SLC24A2: variants seen among roughly 807,000 people sequenced by gnomAD.
SLC24A2 encodes the protein sodium/potassium/calcium exchanger 2.
In SLC24A2, 36 loss-of-function variants were observed where a neutral mutation model predicts 62.0. That is an observed-to-expected ratio of 0.58 (90% CI 0.44 to 0.77). SLC24A2 has a LOEUF of 0.77. Ranked by LOEUF, SLC24A2 falls within the 30% of genes least tolerant of loss-of-function variation. The probability of loss-of-function intolerance (pLI) is 0.00; values close to 1 mark genes in which losing one functional copy is unlikely to be tolerated. For missense variants in SLC24A2, 846 were observed against 817.9 expected, an observed-to-expected ratio of 1.03 and a Z score of -0.42; for synonymous variants, 358 against 294.0, an observed-to-expected ratio of 1.22 and a Z score of -2.23.
intron 2 of SLC24A2, among the ~76,000 whole-genome samples, chr9:19,756,319 T>C (rs895357093): frequency 8.5e-5 from 13 of 152,172 alleles, no homozygotes; most frequent in African/African-American, 1.9e-4. Context: ...AAAAAAACTA[T>C]AGAAATGGCA....
intron 2 of SLC24A2, among the ~76,000 whole-genome samples, chr9:19,761,724 A>G (rs1822337686): frequency 6.6e-6 from 1 of 152,004 alleles, no homozygotes; most frequent in Non-Finnish European, 1.5e-5. Context: ...GAGTGAAAAC[A>G]TGCGGTGTTT....
the SLC24A2 span, among the ~76,000 whole-genome samples, chr9:20,057,277 T>A: frequency 1.3e-5 from 2 of 152,218 alleles, no homozygotes; most frequent in African/African-American, 4.8e-5. Flanking sequence ...AAATAATTCT[T>A]TCTAAATATT....
At chr9:19,561,585 C>T (rs1046182653) in intron 7 of SLC24A2, among the ~76,000 whole-genome samples, 5 of 152,016 alleles carry the variant, frequency 3.3e-5, no homozygotes, top group African/African-American at 4.8e-5. Context: ...CAGGTGCGTG[C>T]CACCACACCT....
chr9:19,633,205 A>C (rs1386131784), intron 2 of SLC24A2, among the ~76,000 whole-genome samples: 1 of 152,188 alleles, frequency 6.6e-6, no homozygotes, highest in African/African-American at 2.4e-5. Flanking sequence ...TGCATGTTGA[A>C]AGGCATTTTG....
chr9:20,123,534 A>G, the SLC24A2 span, among the ~76,000 whole-genome samples: 2 of 152,214 alleles, frequency 1.3e-5, no homozygotes, highest in South Asian at 2.1e-4. Flanking sequence ...TCTAGCTTCA[A>G]ATCTTATATT....
intron 2 of SLC24A2, among the ~76,000 whole-genome samples, chr9:19,724,105 T>G (rs570686755): frequency 5.2e-4 from 79 of 152,320 alleles, no homozygotes; most frequent in Non-Finnish European, 9.1e-4. Flanking sequence ...TATAGTGATA[T>G]CAATACTGAC....
At chr9:20,030,456 C>G in the SLC24A2 span, among the ~76,000 whole-genome samples, 1 of 152,176 alleles carries the variant, frequency 6.6e-6, no homozygotes, top group Non-Finnish European at 1.5e-5. Flanking sequence ...TTGCACCACA[C>G]AGAAAGGCTC....
At chr9:20,172,168 A>C in the SLC24A2 span, among the ~76,000 whole-genome samples, 1 of 151,850 alleles carries the variant, frequency 6.6e-6, no homozygotes, top group Non-Finnish European at 1.5e-5. Context: ...CAAACTGAAC[A>C]ATGATAGTGA....
the SLC24A2 span, among the ~76,000 whole-genome samples, chr9:20,008,203 C>G: frequency 6.6e-6 from 1 of 151,976 alleles, no homozygotes; most frequent in East Asian, 1.9e-4. Context: ...GCCCCTCTTC[C>G]CTCTCTTAAG....
intron 2 of SLC24A2, among the ~76,000 whole-genome samples, chr9:19,703,291 C>G (rs1196063033): frequency 1.3e-5 from 2 of 152,136 alleles, no homozygotes; most frequent in African/African-American, 2.4e-5. Flanking sequence ...TGACTTATTT[C>G]TTCAATACTC....
At chr9:19,741,886 T>C (rs569927468) in intron 2 of SLC24A2, among the ~76,000 whole-genome samples, 4 of 152,346 alleles carry the variant, frequency 2.6e-5, no homozygotes, top group African/African-American at 9.6e-5. Flanking sequence ...TATTTGAAAA[T>C]TCAGCTATCT....
the SLC24A2 span, among the ~76,000 whole-genome samples, chr9:19,969,602 T>A: frequency 6.6e-6 from 1 of 152,278 alleles, no homozygotes; most frequent in African/African-American, 2.4e-5. Flanking sequence ...CAGTGCCTCT[T>A]TTTCTCTCCT....
chr9:19,741,274 G>A (rs569913367), intron 2 of SLC24A2, among the ~76,000 whole-genome samples: 1 of 152,122 alleles, frequency 6.6e-6, no homozygotes, highest in Non-Finnish European at 1.5e-5. Flanking sequence ...TGGCTTTCCG[G>A]TTCTGCCAAA....
chr9:20,090,771 A>T, the SLC24A2 span, among the ~76,000 whole-genome samples: 1 of 152,216 alleles, frequency 6.6e-6, no homozygotes, highest in East Asian at 1.9e-4. Flanking sequence ...CTAATGCAAG[A>T]ACTCCAGCAA....
At chr9:20,196,723 A>G in the SLC24A2 span, among the ~76,000 whole-genome samples, 78,462 of 152,068 alleles carry the variant, frequency 0.52, 21,912 homozygotes, top group East Asian at 0.72. Context: ...GCATTTTCCC[A>G]CCTTTTAAAA....
At chr9:19,721,898 G>T (rs1290891286) in intron 2 of SLC24A2, among the ~76,000 whole-genome samples, 1 of 151,944 alleles carries the variant, frequency 6.6e-6, no homozygotes, top group African/African-American at 2.4e-5. Flanking sequence ...AAATTAGTGA[G>T]GTTCATTGCT....
At chr9:19,760,731 G>A (rs1201849574) in intron 2 of SLC24A2, among the ~76,000 whole-genome samples, 1 of 151,998 alleles carries the variant, frequency 6.6e-6, no homozygotes, top group African/African-American at 2.4e-5. Flanking sequence ...ATTCCATGGT[G>A]TATATGTGCC....
intron 2 of SLC24A2, among the ~76,000 whole-genome samples, chr9:19,627,656 G>T (rs534719036): frequency 6.6e-6 from 1 of 152,094 alleles, no homozygotes; most frequent in African/African-American, 2.4e-5. Context: ...CTCCCAAGTA[G>T]TTGGGTCTGT....
At chr9:19,624,298 C>G (rs919991784) in intron 2 of SLC24A2, among the ~76,000 whole-genome samples, 1 of 152,050 alleles carries the variant, frequency 6.6e-6, no homozygotes, top group Non-Finnish European at 1.5e-5. Flanking sequence ...GGAATTGATA[C>G]CACAGTGTTG....
Sources: allele counts gnomAD v4.1 joint callset (sites outside exome capture counted in the v4.1 genomes callset), GRCh38; gene constraint gnomAD v4.1.1; transcripts MANE v1.5; gene names NCBI Gene and HGNC (gene_info 2026-07-23, HGNC 2026-07-21).